RANBP3: variants seen among roughly 807,000 people sequenced by gnomAD.
The protein encoded by RANBP3 is RAN binding protein 3, also known as ran-binding protein 3.
Under a neutral mutation model 77.3 loss-of-function variants are expected in RANBP3, and 14 were observed. The observed-to-expected ratio is 0.18, with a 90% CI of 0.12 to 0.28. The LOEUF (loss-of-function observed/expected upper bound fraction) is 0.28, where lower values mean the gene tolerates loss of function less well. Ranked by LOEUF, RANBP3 falls within the 10% of genes least tolerant of loss-of-function variation. The pLI is 1.00. For synonymous variants in RANBP3, 315 were observed against 312.4 expected, an observed-to-expected ratio of 1.01 and a Z score of -0.09; for missense variants, 586 against 752.3, an observed-to-expected ratio of 0.78 and a Z score of 2.59.
At chr19:5,937,867 C>T (rs532904633) in intron 5 of RANBP3, among the ~76,000 whole-genome samples, 1 of 152,168 alleles carries the variant, frequency 6.6e-6, no homozygotes, top group Non-Finnish European at 1.5e-5. Flanking sequence ...TAACAGAGCT[C>T]AGCAGCACAA....
chr19:5,964,126 T>G (rs1332461044), intron 1 of RANBP3, among the ~76,000 whole-genome samples: 1 of 152,198 alleles, frequency 6.6e-6, no homozygotes, highest in Non-Finnish European at 1.5e-5. Context: ...GAGGCTCCGA[T>G]GCAAAATGGG....
rs572877656 is a variant in RANBP3 at position 5,939,157 on chromosome 19, C to T, written c.406+2464G>A. On this transcript the variant is annotated intron_variant, in intron 5 of 16. Coordinates refer to ENST00000340578, the MANE Select transcript of RANBP3 (RefSeq NM_007322.3). ...TTGAGATCACACCACTGCACTCCAG[C>T]CTGGGCAAAAAGAGTGAAAGTCTGT... Among the ~76,000 whole-genome samples, 41 of 152,286 alleles carry T rather than the reference C, an allele frequency of 2.7e-4. No individual in the cohort carries two copies. The South Asian group carries it at 8.3e-3, about 31-fold the overall frequency.
In RANBP3 at chr19:5,924,757, T is replaced by C. The variant is rs774778235; in HGVS notation, c.996+70A>G. On this transcript the variant is annotated intron_variant, in intron 11 of 16. Coordinates refer to ENST00000340578, the MANE Select transcript of RANBP3 (RefSeq NM_007322.3). This position sits in a 1 kb window ranked among gnomAD's most constrained non-coding sequence, Gnocchi z 4.7. The stretch of plus-strand genomic sequence containing the variant: ...GACGACACAGCAGCCCTGCTCTCCA[T>C]GTCCCCTTGACCTGTGGCTGGCGCC... 2.3e-5 allele frequency: 34 copies of C among 1,460,170 alleles called. No individual in the cohort carries two copies. The highest frequency in any genetic ancestry group is 3.3e-5 in the Non-Finnish European group (34 of 1,040,988). The allele number at this position is 1,460,170 out of a possible 1,614,324, so 90.5% of individuals were successfully genotyped here.
Position 5,941,722 on chromosome 19 carries a change from G to A in RANBP3, c.320-15C>T, listed in dbSNP as rs1249311372. ...TCTGTCAGAATCTACAGAAAATGAT[G>A]AGAAGAGGAGGAGAAAAATCAGGTT... On this transcript the variant is annotated splice_polypyrimidine_tract_variant and intron_variant, in intron 4 of 16. Coordinates refer to ENST00000340578, the MANE Select transcript of RANBP3 (RefSeq NM_007322.3). 2 of 1,613,070 alleles carry A rather than the reference G, an allele frequency of 1.2e-6. No homozygotes were observed. Among genetic ancestry groups the A allele is most frequent in the Non-Finnish European group, 1.7e-6 (2 of 1,179,542 alleles).
At chr19:5,964,644 G>A (rs998717099) in intron 1 of RANBP3, among the ~76,000 whole-genome samples, 1 of 152,126 alleles carries the variant, frequency 6.6e-6, no homozygotes, top group African/African-American at 2.4e-5. Context: ...ATGCTGCTGG[G>A]AGAGGGGCTG....
At chr19:5,925,420 C>T (rs1245552221) in intron 10 of RANBP3, 1 of 594,074 alleles carries the variant, frequency 1.7e-6, no homozygotes, top group African/African-American at 1.9e-5. Flanking sequence ...AACTCTGGTC[C>T]TGTCTCAGGC....
At chr19:5,970,772 C>T (rs1037519970) in intron 1 of RANBP3, among the ~76,000 whole-genome samples, 2 of 152,200 alleles carry the variant, frequency 1.3e-5, no homozygotes, top group Non-Finnish European at 2.9e-5. Context: ...AGGTCAATTA[C>T]CAGAAGTATA....
At chr19:5,935,929 G>A (rs2058058512) in intron 5 of RANBP3, 1 of 404,080 alleles carries the variant, frequency 2.5e-6, no homozygotes, top group Admixed American at 2.6e-5. Context: ...TGTAGAGGAT[G>A]CTGCACCAGT....
chr19:5,977,709 C>T (rs1484729330), intron 1 of RANBP3, among the ~76,000 whole-genome samples: 2 of 152,228 alleles, frequency 1.3e-5, no homozygotes, highest in Non-Finnish European at 2.9e-5. Flanking sequence ...ACAACCAGGC[C>T]CTAAGGTCTA....
At chr19:5,918,996 A>C (rs1568443458) in intron 14 of RANBP3, among the ~76,000 whole-genome samples, 1 of 152,208 alleles carries the variant, frequency 6.6e-6, no homozygotes. Context: ...GGGGGATTAG[A>C]GAGGAGTACG....
intron 2 of RANBP3, among the ~76,000 whole-genome samples, chr19:5,956,209 A>C (rs2058333253): frequency 6.6e-6 from 1 of 152,222 alleles, no homozygotes; most frequent in Admixed American, 6.5e-5. Context: ...GTTTTAAACT[A>C]AAAATGGTTC....
intron 1 of RANBP3, among the ~76,000 whole-genome samples, chr19:5,961,011 C>T (rs1316935350): frequency 6.6e-6 from 1 of 152,194 alleles, no homozygotes; most frequent in East Asian, 1.9e-4. Context: ...AGATCCTCCA[C>T]AATTGCCTCC....
At position 5,951,511 on chromosome 19, in the gene RANBP3, G is replaced by A. The variant is rs1282561945; in HGVS notation, c.164C>T (p.Pro55Leu). The change falls in exon 3 of 17, where the codon CCC becomes CTC. Residue 55 changes from proline to leucine, a missense_variant. Around this residue, in one of 5 missense-constraint regions of RANBP3, gnomAD observed 172 missense variants for 183.4 expected, o/e 0.94. Coordinates refer to ENST00000340578, the MANE Select transcript of RANBP3 (RefSeq NM_007322.3). The part of the protein sequence containing the change: ...AEAPHHGTGH[P>L]ESAGEHALEP... ...TAGGGCATGCTCGCCAGCTGACTCGGGGTGACCCGTGCCATGGTGGGGGGC... is the reference window on the plus strand; with the variant it reads ...TAGGGCATGCTCGCCAGCTGACTCGAGGTGACCCGTGCCATGGTGGGGGGC... 6.2e-7 allele frequency: 1 copy of A among 1,611,808 alleles called. No individual in the cohort carries two copies. The highest frequency in any genetic ancestry group is 8.5e-7 in the Non-Finnish European group (1 of 1,178,854).
At chr19:5,933,537 G>A (rs1333030295) in intron 5 of RANBP3, 58 bp from the exon 6 acceptor site, 1 of 1,467,466 alleles carries the variant, frequency 6.8e-7, no homozygotes, top group Non-Finnish European at 9.5e-7. Flanking sequence ...GCTGGGCCTG[G>A]GGGGCAAGGG....
At chr19:5,932,386 G>A (rs768615408) in intron 7 of RANBP3, 66 bp downstream of exon 7, 141 of 1,283,592 alleles carry the variant, frequency 1.1e-4, no homozygotes, top group Admixed American at 1.8e-4. Context: ...CTGCTGTCCC[G>A]GGTGCGACTT....
rs372853001 is a variant in RANBP3 at position 5,948,431 on chromosome 19, C to T, written c.282+2962G>A. On this transcript the variant is annotated intron_variant, in intron 3 of 16. Coordinates refer to ENST00000340578, the MANE Select transcript of RANBP3 (RefSeq NM_007322.3). ...TCGGGCCACTGCACTCCAGCCTGGG[C>T]GACAGAGCGAGACTCCATGTCAAAA... Among the ~76,000 whole-genome samples, 499 of 148,924 alleles carry T rather than the reference C, an allele frequency of 3.4e-3. 1 individual carries two copies. In the Middle Eastern group the frequency reaches 0.049, roughly 15 times the overall value.
chr19:5,926,188 C>G (rs995160966), intron 9 of RANBP3, among the ~76,000 whole-genome samples: 1 of 152,094 alleles, frequency 6.6e-6, no homozygotes, highest in Non-Finnish European at 1.5e-5. Context: ...CCTCACGAGG[C>G]CTGGGAGGGG....
At chr19:5,936,861 T>A (rs564413466) in intron 5 of RANBP3, among the ~76,000 whole-genome samples, 86 of 151,832 alleles carry the variant, frequency 5.7e-4, no homozygotes, top group African/African-American at 2.0e-3. Context: ...GGCAAGCTCC[T>A]CCTTCCAGTG....
intron 10 of RANBP3, chr19:5,925,399 C>T (rs1473731267): frequency 1.0e-5 from 6 of 583,346 alleles, no homozygotes; most frequent in Non-Finnish European, 1.8e-5. Context: ...GGCCCCTGGA[C>T]AACCCCACAG....
Sources: gnomAD v4.1 joint callset for allele counts (sites outside exome capture counted in the v4.1 genomes callset) on GRCh38, gnomAD v4.1.1 for gene constraint, gnomAD v4.1.1 regional missense constraint, Gnocchi (gnomAD v3.1) non-coding constraint, MANE v1.5 for transcripts, NCBI Gene and HGNC (gene_info 2026-07-23, HGNC 2026-07-21) for gene names.